ESR1: variants seen among roughly 807,000 people sequenced by gnomAD.
The protein encoded by ESR1 is estrogen receptor 1.
A neutral mutation model predicts 52.7 loss-of-function variants in ESR1; 12 were observed. That is an observed-to-expected ratio of 0.23 (90% CI 0.15 to 0.37). ESR1 has a LOEUF of 0.37. Among genes scored for constraint, ESR1 ranks in the 10% least tolerant of loss-of-function variants. The pLI, the probability that ESR1 is intolerant of heterozygous loss-of-function variation, is 1.00. For missense variants in ESR1, 584 were observed against 779.7 expected (o/e 0.75, Z 2.99); for synonymous variants, 305 against 316.8 (o/e 0.96, Z 0.39).
At chr6:152,007,621 A>G (rs960299768) in intron 4 of ESR1, among the ~76,000 whole-genome samples, 2 of 152,092 alleles carry the variant, frequency 1.3e-5, no homozygotes, top group Admixed American at 1.3e-4. Context: ...ATTTTATTAA[A>G]TGAGATTTCT....
At chr6:151,704,142 GT>G (rs1204831476) in intron 2 of ESR1, among the ~76,000 whole-genome samples, 1 of 152,188 alleles carries the variant, frequency 6.6e-6, no homozygotes, top group African/African-American at 2.4e-5. Flanking sequence ...ATGTTGATAG[GT>G]TAGTGTAGAA....
At chr6:151,925,523 C>T (rs969168105) in intron 3 of ESR1, among the ~76,000 whole-genome samples, 7 of 152,168 alleles carry the variant, frequency 4.6e-5, no homozygotes, top group Non-Finnish European at 8.8e-5. Flanking sequence ...AGGAGAATCA[C>T]TGGAACCCAG....
intron 1 of ESR1, among the ~76,000 whole-genome samples, chr6:151,701,068 A>C (rs538723018): frequency 9.8e-5 from 15 of 152,286 alleles, no homozygotes; most frequent in African/African-American, 3.6e-4. Flanking sequence ...TGCATTGCTC[A>C]ATTTCTCACT....
chr6:151,726,215 C>G (rs1158163143), intron 2 of ESR1, among the ~76,000 whole-genome samples: 1 of 152,142 alleles, frequency 6.6e-6, no homozygotes, highest in East Asian at 1.9e-4. Flanking sequence ...TCTATTTAAT[C>G]CCTGTTTAAC....
rs532245583 is a variant in ESR1 at position 151,707,171 on chromosome 6, A to C, written c.-71+5166A>C. Reference sequence around the variant, plus strand: ...TATCTTTCTTATGCTTCCATTTAAAAATGATTATTACATTTTTGCATATGG... The same window carrying C: ...TATCTTTCTTATGCTTCCATTTAAACATGATTATTACATTTTTGCATATGG... On this transcript the variant is annotated intron_variant, in intron 2 of 2. Coordinates refer to the ESR1 transcript ENST00000404742. Among the ~76,000 whole-genome samples the C allele has an allele frequency of 3.9e-5, 6 of 152,328 alleles. No individual in the cohort carries two copies. The South Asian group carries it at 1.2e-3, about 32-fold the overall frequency.
intron 4 of ESR1, among the ~76,000 whole-genome samples, chr6:152,002,219 TGTGG>T (rs2042011109): frequency 6.6e-6 from 1 of 150,546 alleles, no homozygotes. Context: ...TGTGTGTGTG[TGTGG>T]AATATCTCAC....
At chr6:152,025,962 G>A (rs2044114949) in intron 5 of ESR1, among the ~76,000 whole-genome samples, 1 of 151,596 alleles carries the variant, frequency 6.6e-6, no homozygotes. Context: ...GTTTTATTTT[G>A]TCTCTCATTC....
At chr6:152,087,745 G>A (rs1403256299) in intron 6 of ESR1, among the ~76,000 whole-genome samples, 1 of 152,156 alleles carries the variant, frequency 6.6e-6, no homozygotes, top group African/African-American at 2.4e-5. Flanking sequence ...ACAAAACAAG[G>A]ATACAATCCA....
At chr6:151,714,369 G>A (rs1780858381) in intron 2 of ESR1, among the ~76,000 whole-genome samples, 1 of 152,152 alleles carries the variant, frequency 6.6e-6, no homozygotes, top group Admixed American at 6.6e-5. Flanking sequence ...GTCCAGAGGT[G>A]AGTTCAAGTC....
chr6:151,878,152 C>T (rs1168697624), intron 2 of ESR1, among the ~76,000 whole-genome samples: 2 of 152,180 alleles, frequency 1.3e-5, no homozygotes, highest in Non-Finnish European at 2.9e-5. Context: ...AATATATCAG[C>T]ATATACTGCA....
chr6:152,001,606 C>A (rs2041949729), intron 4 of ESR1, among the ~76,000 whole-genome samples: 1 of 152,012 alleles, frequency 6.6e-6, no homozygotes, highest in Admixed American at 6.6e-5. Flanking sequence ...TATTTAATGA[C>A]CTGGCAAGAT....
chr6:152,053,068 T>C lies in ESR1; in HGVS notation c.1236-7923T>C, dbSNP rs1324913324. Among the ~76,000 whole-genome samples, 1 of 152,206 alleles carries C rather than the reference T, an allele frequency of 6.6e-6. No individual in the cohort carries two copies. Among genetic ancestry groups the C allele is most frequent in the Non-Finnish European group, 1.5e-5 (1 of 68,028 alleles). The stretch of plus-strand genomic sequence containing the variant: ...TTTGTTTAGTAAAAAAATTGTTTAC[T>C]AAAAAATTAACCTCTCAGAATTTCT... On this transcript the variant is annotated intron_variant, in intron 5 of 7. Coordinates refer to ENST00000206249, the MANE Select transcript of ESR1 (RefSeq NM_000125.4). The surrounding 1 kb of genome is among the most constrained non-coding windows in gnomAD (Gnocchi z 4.1).
chr6:152,110,597 G>A (rs1156503886), intron 6 of ESR1, among the ~76,000 whole-genome samples: 4 of 152,030 alleles, frequency 2.6e-5, no homozygotes, highest in African/African-American at 4.8e-5. Flanking sequence ...ATACCTGCGC[G>A]ACAAAATAAT....
intron 1 of ESR1, among the ~76,000 whole-genome samples, chr6:151,700,156 T>C (rs1779663281): frequency 6.6e-6 from 1 of 152,236 alleles, no homozygotes; most frequent in Non-Finnish European, 1.5e-5. Context: ...TATTATCTGT[T>C]ACATGTCTAA....
At position 151,944,254 on chromosome 6, in the gene ESR1, G is replaced by A. The variant is rs1205181301; in HGVS notation, c.842G>A (p.Gly281Glu). 1 of 1,614,122 alleles carries A rather than the reference G, an allele frequency of 6.2e-7. No homozygotes were observed. Among genetic ancestry groups the A allele is most frequent in the South Asian group, 1.1e-5 (1 of 91,084 alleles). The change falls in exon 4 of 8, where the codon GGG becomes GAG. Residue 281 changes from glycine to glutamate, a missense_variant. Physicochemically the swap from Gly to Glu is moderately conservative, Grantham distance 98. This residue lies in a region of ESR1 where 88 missense variants were observed against 88.3 expected (regional missense o/e 1.00). Transcript: ENST00000206249. ...RDDGEGRGEV[G>E]SAGDMRAANL... ...GATGGGGAGGGCAGGGGTGAAGTGG[G>A]GTCTGCTGGAGACATGAGAGCTGCC...
At chr6:152,079,832 C>A (rs536752928) in intron 6 of ESR1, among the ~76,000 whole-genome samples, 7 of 152,264 alleles carry the variant, frequency 4.6e-5, no homozygotes, top group African/African-American at 1.7e-4. Flanking sequence ...AGCATGAGAA[C>A]TTCGTGATGT....
intron 6 of ESR1, among the ~76,000 whole-genome samples, chr6:152,119,682 T>C (rs1180167330): frequency 6.6e-6 from 1 of 152,226 alleles, no homozygotes; most frequent in African/African-American, 2.4e-5. Context: ...TGGAAGCTTC[T>C]TCAGCAGCCA....
intron 5 of ESR1, among the ~76,000 whole-genome samples, chr6:152,051,682 CA>C: frequency 6.6e-6 from 1 of 152,302 alleles, no homozygotes; most frequent in East Asian, 1.9e-4. Flanking sequence ...TCCAGGTCCA[CA>C]ATTCTCTAAG....
At chr6:151,726,392 C>T (rs899615657) in intron 2 of ESR1, among the ~76,000 whole-genome samples, 5 of 151,512 alleles carry the variant, frequency 3.3e-5, no homozygotes, top group African/African-American at 9.7e-5. Flanking sequence ...AGTGCAGTGG[C>T]GCAATCTCGG....
Sources: gnomAD v4.1 joint callset for allele counts (sites outside exome capture counted in the v4.1 genomes callset) on GRCh38, gnomAD v4.1.1 for gene constraint, gnomAD v4.1.1 regional missense constraint, Gnocchi (gnomAD v3.1) non-coding constraint, MANE v1.5 for transcripts, NCBI Gene and HGNC (gene_info 2026-07-23, HGNC 2026-07-21) for gene names.